Variants in MEGF10 observed in about 807,000 individuals in gnomAD.
MEGF10 encodes multiple epidermal growth factor-like domains protein 10.
Under a neutral mutation model 147.5 loss-of-function variants are expected in MEGF10, and 86 were observed. That is an observed-to-expected ratio of 0.58 (90% confidence interval 0.49 to 0.70). The LOEUF (loss-of-function observed/expected upper bound fraction) is 0.70, where lower values mean the gene tolerates loss of function less well. MEGF10 is among the 30% of genes least tolerant of loss of function. MEGF10 has a pLI of 0.00. For missense variants in MEGF10, 1,329 were observed against 1,487.3 expected (o/e 0.89, Z 1.75); for synonymous variants, 478 against 525.5 (o/e 0.91, Z 1.24).
the MEGF10 span, among the ~76,000 whole-genome samples, chr5:127,281,845 C>T: frequency 7.9e-5 from 12 of 152,310 alleles, no homozygotes; most frequent in African/African-American, 2.9e-4. Flanking sequence ...CCCCCTCCAC[C>T]TTCAGCTCCC....
chr5:127,329,289 T>C (rs27749), intron 1 of MEGF10, among the ~76,000 whole-genome samples: 68,778 of 152,038 alleles, frequency 0.45, 17,465 homozygotes, highest in Middle Eastern at 0.63. Context: ...ATATCCTTTT[T>C]AAGATTTTAC....
chr5:127,440,521 T>C (rs1765715820), intron 17 of MEGF10, among the ~76,000 whole-genome samples: 1 of 152,206 alleles, frequency 6.6e-6, no homozygotes, highest in African/African-American at 2.4e-5. Flanking sequence ...GGAATGGAAC[T>C]CTTCTGCCTC....
At chr5:127,287,847 A>G (rs548430121), upstream of MEGF10, among the ~76,000 whole-genome samples, 2 of 152,198 alleles carry the variant, frequency 1.3e-5, no homozygotes, top group African/African-American at 4.8e-5. Flanking sequence ...TTGGAGTCCT[A>G]TTATAAAGTT....
chr5:127,230,489 G>A, the MEGF10 span, among the ~76,000 whole-genome samples: 1 of 152,122 alleles, frequency 6.6e-6, no homozygotes, highest in South Asian at 2.1e-4. Context: ...TCTGCTCTGG[G>A]AGTCCCAGAT....
chr5:127,306,107 G>C (rs1380827003), intron 1 of MEGF10, among the ~76,000 whole-genome samples: 1 of 152,188 alleles, frequency 6.6e-6, no homozygotes, highest in Non-Finnish European at 1.5e-5. Context: ...TTTCTGCTTA[G>C]CTAGAGAATT....
Position 127,433,485 on chromosome 5 carries a change from T to A in MEGF10, c.1816T>A (p.Phe606Ile). The change falls in exon 14 of 25, where the codon TTC (phenylalanine) becomes ATC (isoleucine). Residue 606 changes from phenylalanine (F) to isoleucine (I), a missense_variant. Physicochemically the swap from Phe to Ile is conservative, Grantham distance 21. This residue lies in a region of MEGF10 where 980 missense variants were observed against 1,085.9 expected (regional missense o/e 0.90). Coordinates refer to ENST00000503335, the MANE Select transcript of MEGF10 (RefSeq NM_001256545.2). Reference sequence around the variant, plus strand: ...TGGCATCTGCGAGTGTGCACCAGGCTTCCGAGGCACCACTTGTCAGAGGAG... The same window carrying A: ...TGGCATCTGCGAGTGTGCACCAGGCATCCGAGGCACCACTTGTCAGAGGAG... ...DDGICECAPG[F>I]RGTTCQRICS... is the part of the protein sequence containing the mutation. 1 of 1,610,478 alleles carries A rather than the reference T, an allele frequency of 6.2e-7. No individual in the cohort carries two copies. The highest frequency in any genetic ancestry group is 8.5e-7 in the Non-Finnish European group (1 of 1,178,222).
intron 10 of MEGF10, among the ~76,000 whole-genome samples, chr5:127,418,812 G>T (rs1243797880): frequency 2.6e-5 from 4 of 151,944 alleles, no homozygotes; most frequent in African/African-American, 9.7e-5. Flanking sequence ...ATATCTACTT[G>T]TCTGAGCAAT....
At chr5:127,281,602 G>A in the MEGF10 span, among the ~76,000 whole-genome samples, 12,302 of 152,116 alleles carry the variant, frequency 0.081, 1,064 homozygotes, top group African/African-American at 0.22. Context: ...CTCTTCCTTC[G>A]TCTTTTCTGT....
chr5:127,326,548 C>T (rs951255206), intron 1 of MEGF10, among the ~76,000 whole-genome samples: 2 of 152,146 alleles, frequency 1.3e-5, no homozygotes, highest in Non-Finnish European at 2.9e-5. Context: ...CATTACTCAT[C>T]CTACATCTTT....
intron 4 of MEGF10, among the ~76,000 whole-genome samples, chr5:127,341,377 G>A (rs1761677525): frequency 6.6e-6 from 1 of 152,154 alleles, no homozygotes; most frequent in Non-Finnish European, 1.5e-5. Context: ...GAGTTGAGAT[G>A]CTGATGTTGA....
chr5:127,383,042 C>G (rs900542812), intron 5 of MEGF10, among the ~76,000 whole-genome samples: 2 of 152,142 alleles, frequency 1.3e-5, no homozygotes, highest in Non-Finnish European at 2.9e-5. Context: ...TTGACTATGT[C>G]TAGAGTAGAA....
chr5:127,403,029 G>A (rs1310066616), intron 8 of MEGF10, among the ~76,000 whole-genome samples: 1 of 152,128 alleles, frequency 6.6e-6, no homozygotes, highest in Non-Finnish European at 1.5e-5. Flanking sequence ...TTTTAAATGG[G>A]ATGTGTACTT....
intron 1 of MEGF10, among the ~76,000 whole-genome samples, chr5:127,311,360 C>T (rs1760279889): frequency 6.6e-6 from 1 of 152,204 alleles, no homozygotes; most frequent in Non-Finnish European, 1.5e-5. Flanking sequence ...CTTCTTTACA[C>T]TTGGCAGTTC....
chr5:127,420,238 C>A (rs779592879), intron 12 of MEGF10, 31 bp downstream of exon 12: 7 of 1,606,388 alleles, frequency 4.4e-6, no homozygotes, highest in Non-Finnish European at 6.0e-6. Context: ...TGACGGAAAA[C>A]GCCTATGAGG....
At chr5:127,304,804 G>A (rs984029526) in intron 1 of MEGF10, among the ~76,000 whole-genome samples, 2 of 151,980 alleles carry the variant, frequency 1.3e-5, no homozygotes, top group African/African-American at 4.8e-5. Context: ...CTGGAGGTGT[G>A]TTCCTATGAG....
the MEGF10 span, among the ~76,000 whole-genome samples, chr5:127,249,904 T>C: frequency 2.2e-4 from 34 of 152,156 alleles, no homozygotes; most frequent in Middle Eastern, 0.01. Flanking sequence ...AACACTGTTG[T>C]TCACATGGCA....
chr5:127,403,339 G>C (rs1462678072), intron 8 of MEGF10, among the ~76,000 whole-genome samples: 2 of 151,556 alleles, frequency 1.3e-5, no homozygotes, highest in African/African-American at 4.9e-5. Flanking sequence ...TATATTTATG[G>C]GGTACATGAG....
chr5:127,240,901 G>T, the MEGF10 span, among the ~76,000 whole-genome samples: 999 of 152,192 alleles, frequency 6.6e-3, 11 homozygotes, highest in African/African-American at 0.023. Context: ...ACATAAAATG[G>T]AATAATTTAT....
the MEGF10 span, among the ~76,000 whole-genome samples, chr5:127,274,876 A>T: frequency 6.6e-6 from 1 of 152,138 alleles, no homozygotes; most frequent in African/African-American, 2.4e-5. Flanking sequence ...TTTTTTCTAG[A>T]AAAGCCCTTG....
Sources: gnomAD v4.1 joint callset for allele counts (sites outside exome capture counted in the v4.1 genomes callset) on GRCh38, gnomAD v4.1.1 for gene constraint, gnomAD v4.1.1 regional missense constraint, MANE v1.5 for transcripts, NCBI Gene and HGNC (gene_info 2026-07-23, HGNC 2026-07-21) for gene names.